Variants in ARHGAP23 observed in about 807,000 individuals in gnomAD.
ARHGAP23 encodes the protein Rho GTPase activating protein 23.
ARHGAP23 carries 34 observed loss-of-function variants against 136.3 expected under a neutral mutation model. The ratio of observed to expected loss-of-function variants is 0.25; its 90% confidence interval spans 0.19 to 0.33. The LOEUF (loss-of-function observed/expected upper bound fraction) is 0.33. Among genes scored for constraint, ARHGAP23 ranks in the 10% least tolerant of loss-of-function variants. The pLI, the probability that ARHGAP23 is intolerant of heterozygous loss-of-function variation, is 1.00. For missense variants in ARHGAP23, 1,808 were observed against 2,139.0 expected, an observed-to-expected ratio of 0.85 and a Z score of 3.05; for synonymous variants, 832 against 920.5, an observed-to-expected ratio of 0.90 and a Z score of 1.74.
intron 23 of ARHGAP23, 53 bp from the exon 24 acceptor site, chr17:38,509,891 G>A (rs966497577): frequency 1.6e-6 from 2 of 1,220,638 alleles, no homozygotes; most frequent in African/African-American, 3.1e-5. Flanking sequence ...GAGCGGGGTC[G>A]GCAGGGGGCC....
intron 10 of ARHGAP23, among the ~76,000 whole-genome samples, chr17:38,470,905 A>G (rs191945442): frequency 1.3e-5 from 2 of 151,258 alleles, no homozygotes; most frequent in East Asian, 2.0e-4. Context: ...GCACCTGGAC[A>G]TATTTTTGTT....
In ARHGAP23 at chr17:38,435,711, G is replaced by A. The variant is rs534667359; in HGVS notation, c.63+7163G>A. On this transcript the variant is annotated intron_variant, in intron 1 of 23. Coordinates refer to ENST00000622683, the MANE Select transcript of ARHGAP23 (RefSeq NM_001199417.2). ...TCTCCCGGGTTCAAGAGATTCTCCT[G>A]CCTCTGCCTCCCGAGTAGTTGGGAT... Among the ~76,000 whole-genome samples, 28 of 152,270 alleles carry A rather than the reference G, an allele frequency of 1.8e-4. No homozygotes were observed. The East Asian group carries it at 3.5e-3, about 19-fold the overall frequency.
At chr17:38,503,412 C>T (rs1002186127) in intron 23 of ARHGAP23, among the ~76,000 whole-genome samples, 23 of 152,190 alleles carry the variant, frequency 1.5e-4, no homozygotes, top group Non-Finnish European at 2.4e-4. Flanking sequence ...CTGAAGGGGC[C>T]GAGAAGCATC....
At chr17:38,491,677 T>A (rs528424334) in intron 20 of ARHGAP23, 145 bp downstream of exon 20, 1 of 1,013,816 alleles carries the variant, frequency 9.9e-7, no homozygotes, top group East Asian at 2.6e-5. Context: ...TGGTATATAC[T>A]CCTCCAAAGC....
At chr17:38,459,190 A>G (rs550091525) in intron 2 of ARHGAP23, among the ~76,000 whole-genome samples, 1 of 152,230 alleles carries the variant, frequency 6.6e-6, no homozygotes, top group East Asian at 1.9e-4. Context: ...CTGTACAGCT[A>G]TTGGGGGACT....
intron 1 of ARHGAP23, among the ~76,000 whole-genome samples, chr17:38,436,015 G>A (rs986137281): frequency 1.3e-5 from 2 of 152,188 alleles, no homozygotes; most frequent in Admixed American, 6.5e-5. Context: ...GGCTGTCTGC[G>A]CACTGTTATC....
chr17:38,503,492 C>T (rs2040564765), intron 23 of ARHGAP23, among the ~76,000 whole-genome samples: 2 of 152,228 alleles, frequency 1.3e-5, no homozygotes, highest in African/African-American at 2.4e-5. Flanking sequence ...AGCAGCCGTG[C>T]CCCGCCCCTT....
chr17:38,477,828 G>A lies in ARHGAP23; in HGVS notation c.2368G>A (p.Ala790Thr), dbSNP rs1470356202. The change falls in exon 12 of 24, where the codon GCT becomes ACT. Residue 790 changes from alanine (A) to threonine (T), a missense_variant. Physicochemically the swap from Ala to Thr is moderately conservative, Grantham distance 58. This residue lies in a region of ARHGAP23 where 139 missense variants were observed against 264.3 expected (regional missense o/e 0.53). Transcript: ENST00000622683. The surrounding 1 kb of genome is among the most constrained non-coding windows in gnomAD (Gnocchi z 6.6). ...TGACTTCTGTGAATATCTCTTTCAG[G>A]CTGAGGACCGGGATGACATGCTGGG... ...TADFCEYLFQ[A>T]EDRDDMLGWI... is the part of the protein sequence containing the mutation. 1 of 1,549,762 alleles carries A rather than the reference G, an allele frequency of 6.5e-7. No homozygotes were observed. The highest frequency in any genetic ancestry group is 2.0e-5 in the Admixed American group (1 of 50,966).
At chr17:38,500,902 C>T in intron 23 of ARHGAP23, 1 of 489,542 alleles carries the variant, frequency 2.0e-6, no homozygotes. Flanking sequence ...ACAGACTCTG[C>T]AGTCAGACAG....
intron 20 of ARHGAP23, chr17:38,491,790 G>A (rs1274990937): frequency 1.2e-5 from 6 of 512,272 alleles, no homozygotes; most frequent in Non-Finnish European, 2.1e-5. Context: ...CCGAGCTTCC[G>A]AGATGCCTGG....
chr17:38,464,388 G>A (rs1217166802), intron 6 of ARHGAP23, among the ~76,000 whole-genome samples: 2 of 152,200 alleles, frequency 1.3e-5, no homozygotes, highest in East Asian at 3.8e-4. Context: ...TGGTCTCATG[G>A]GTCCCAGCCA....
rs537758185 is a variant in ARHGAP23 at position 38,492,804 on chromosome 17, C to T, written c.3276+1272C>T. 9.8e-5 allele frequency among the ~76,000 whole-genome samples: 15 copies of T among 152,326 alleles called. No homozygotes were observed. The South Asian group carries it at 2.1e-3, about 21-fold the overall frequency. ...CTGGGAGGCCAGGGCTGCCCTGCAG[C>T]GTCGGGGATCCTGATGAGGCCTTGG... On this transcript the variant is annotated intron_variant, in intron 20 of 23. Coordinates refer to ENST00000622683, the MANE Select transcript of ARHGAP23 (RefSeq NM_001199417.2).
intron 17 of ARHGAP23, among the ~76,000 whole-genome samples, chr17:38,489,393 G>A (rs1226629130): frequency 2.5e-5 from 3 of 120,726 alleles, no homozygotes; most frequent in East Asian, 2.3e-4. Flanking sequence ...CATTTGTCCC[G>A]GGGACATCTG....
chr17:38,466,005 G>A (rs555955410), intron 6 of ARHGAP23, among the ~76,000 whole-genome samples, 162 bp from the exon 7 acceptor site: 1 of 151,948 alleles, frequency 6.6e-6, no homozygotes, highest in Admixed American at 6.5e-5. Context: ...CCCTGGACCT[G>A]CCCTTCCACC....
At chr17:38,488,009 C>A (rs2040195539) in intron 17 of ARHGAP23, among the ~76,000 whole-genome samples, 1 of 152,154 alleles carries the variant, frequency 6.6e-6, no homozygotes, top group East Asian at 1.9e-4. Context: ...TCAAGTGATC[C>A]TCCCATCTCA....
At chr17:38,445,931 G>C (rs1022665364) in intron 1 of ARHGAP23, among the ~76,000 whole-genome samples, 7 of 151,674 alleles carry the variant, frequency 4.6e-5, no homozygotes, top group African/African-American at 1.7e-4. Flanking sequence ...TTACAGATGT[G>C]AGCCACCAAG....
At chr17:38,443,331 C>T (rs964990316) in intron 1 of ARHGAP23, among the ~76,000 whole-genome samples, 2 of 152,162 alleles carry the variant, frequency 1.3e-5, no homozygotes, top group Admixed American at 6.5e-5. Context: ...AATGAGTTAG[C>T]GCATCTAACA....
intron 17 of ARHGAP23, among the ~76,000 whole-genome samples, chr17:38,489,187 A>C (rs1404972513): frequency 1.3e-5 from 2 of 152,322 alleles, no homozygotes; most frequent in South Asian, 4.2e-4. Context: ...GCCGAAAACA[A>C]TTGTTTAAAA....
At chr17:38,421,791 G>A (rs115579136) in intron 1 of ARHGAP23, among the ~76,000 whole-genome samples, 1,748 of 152,350 alleles carry the variant, frequency 0.011, 31 homozygotes, top group African/African-American at 0.04. Flanking sequence ...ACAGAGGAGA[G>A]GGGAGCAGCT....
Sources: gnomAD v4.1 joint callset for allele counts (sites outside exome capture counted in the v4.1 genomes callset) on GRCh38, gnomAD v4.1.1 for gene constraint, gnomAD v4.1.1 regional missense constraint, Gnocchi (gnomAD v3.1) non-coding constraint, MANE v1.5 for transcripts, NCBI Gene and HGNC (gene_info 2026-07-23, HGNC 2026-07-21) for gene names.